NDST4: variants seen among roughly 807,000 people sequenced by gnomAD.
The protein encoded by NDST4 is N-heparan sulfate sulfotransferase 4.
Under a neutral mutation model 100.8 loss-of-function variants are expected in NDST4, and 63 were observed. The ratio of observed to expected loss-of-function variants is 0.62; its 90% CI spans 0.51 to 0.77. NDST4 has a LOEUF of 0.77. NDST4 is among the 30% of genes least tolerant of loss of function. The pLI, the probability that NDST4 is intolerant of heterozygous loss-of-function variation, is 0.00. For synonymous variants in NDST4, 377 were observed against 361.8 expected (o/e 1.04, Z -0.48); for missense variants, 943 against 1,018.4 (o/e 0.93, Z 1.01).
chr4:114,977,898 T>C (rs181433347), intron 2 of NDST4, among the ~76,000 whole-genome samples: 4 of 152,118 alleles, frequency 2.6e-5, no homozygotes, highest in Admixed American at 2.0e-4. Context: ...TTTCTAAATG[T>C]GACAAACATT....
At chr4:115,002,981 G>T (rs1727331031) in intron 2 of NDST4, among the ~76,000 whole-genome samples, 1 of 152,092 alleles carries the variant, frequency 6.6e-6, no homozygotes, top group Non-Finnish European at 1.5e-5. Flanking sequence ...CACAGGAACA[G>T]AAAACCAAAC....
intron 2 of NDST4, among the ~76,000 whole-genome samples, chr4:115,040,816 G>A (rs1034280081): frequency 6.6e-6 from 1 of 151,798 alleles, no homozygotes; most frequent in Non-Finnish European, 1.5e-5. Context: ...ATCAATAATA[G>A]AATACAACGT....
chr4:115,010,226 C>G lies in NDST4; in HGVS notation c.979-32952G>C, dbSNP rs1244525717. Among the ~76,000 whole-genome samples the G allele has an allele frequency of 8.0e-5, 10 of 125,636 alleles. 3 individuals carry two copies. The highest frequency in any genetic ancestry group is 3.1e-4 in the African/African-American group (10 of 32,616). The allele number at this position is 125,636 out of a possible 152,430, so 82.4% of individuals were successfully genotyped here. On this transcript the variant is annotated intron_variant, in intron 2 of 13. Transcript: ENST00000264363. ...ACTATAAATCATGCTGCTATAAAGA[C>G]ACATGCACACGTATGTTTATTGCGG...
intron 1 of NDST4, among the ~76,000 whole-genome samples, chr4:115,095,601 C>T (rs577797895): frequency 6.6e-6 from 1 of 152,240 alleles, no homozygotes; most frequent in South Asian, 2.1e-4. Flanking sequence ...CCTGCCTCTT[C>T]TCCTTAAAGC....
At chr4:115,073,356 C>T (rs899038329) in intron 2 of NDST4, among the ~76,000 whole-genome samples, 15 of 152,008 alleles carry the variant, frequency 9.9e-5, no homozygotes, top group African/African-American at 3.6e-4. Context: ...AAATCAATAT[C>T]TGCACTTCCT....
chr4:115,044,116 A>G (rs556843862), intron 2 of NDST4, among the ~76,000 whole-genome samples: 165 of 152,254 alleles, frequency 1.1e-3, no homozygotes, highest in African/African-American at 3.9e-3. Flanking sequence ...ATTTATTCAA[A>G]TCTTGGGCAG....
chr4:115,048,391 TAC>T (rs1728509784), intron 2 of NDST4, among the ~76,000 whole-genome samples: 1 of 152,180 alleles, frequency 6.6e-6, no homozygotes, highest in Non-Finnish European at 1.5e-5. Context: ...CATGAAAATA[TAC>T]ACTTATTGAA....
At chr4:114,866,344 C>T (rs1012549435) in intron 7 of NDST4, among the ~76,000 whole-genome samples, 1 of 152,188 alleles carries the variant, frequency 6.6e-6, no homozygotes, top group African/African-American at 2.4e-5. Context: ...CATTGACCAA[C>T]ATTTTTTTAA....
chr4:115,003,709 T>A (rs543492281), intron 2 of NDST4, among the ~76,000 whole-genome samples: 1 of 151,638 alleles, frequency 6.6e-6, no homozygotes, highest in African/African-American at 2.4e-5. Flanking sequence ...CTACTAAAAG[T>A]ATAAAAAAAT....
At chr4:114,828,126 T>G (rs1445697995) in intron 13 of NDST4, among the ~76,000 whole-genome samples, 191 bp from the exon 14 acceptor site, 1 of 152,228 alleles carries the variant, frequency 6.6e-6, no homozygotes, top group Non-Finnish European at 1.5e-5. Context: ...TAGCTAAAAA[T>G]AGAAATAGGA....
Position 115,001,617 on chromosome 4 carries a change from C to T in NDST4, c.979-24343G>A, listed in dbSNP as rs190765257. ...TAATTTTTACTATATAATAATTATA[C>T]GCTCCACTCTAATATAATATACTAT... On this transcript the variant is annotated intron_variant, in intron 2 of 13. Coordinates refer to ENST00000264363, the MANE Select transcript of NDST4 (RefSeq NM_022569.3). Among the ~76,000 whole-genome samples, 915 of 151,696 alleles carry T rather than the reference C, an allele frequency of 6.0e-3. 11 individuals carry two copies. Among genetic ancestry groups the T allele is most frequent in the Middle Eastern group, 0.017 (5 of 288 alleles).
chr4:115,012,801 G>C (rs1425246690), intron 2 of NDST4, among the ~76,000 whole-genome samples: 2 of 151,948 alleles, frequency 1.3e-5, no homozygotes, highest in African/African-American at 4.8e-5. Context: ...TTGTTCATCA[G>C]TAGACAAATG....
chr4:115,004,229 T>C (rs1212009431), intron 2 of NDST4, among the ~76,000 whole-genome samples: 2 of 152,126 alleles, frequency 1.3e-5, no homozygotes, highest in African/African-American at 2.4e-5. Flanking sequence ...TCATAACCAA[T>C]TAAAACCAAA....
chr4:114,891,591 T>A (rs182927948), intron 6 of NDST4, among the ~76,000 whole-genome samples: 3 of 152,236 alleles, frequency 2.0e-5, no homozygotes, highest in Admixed American at 2.0e-4. Flanking sequence ...ATTTCCATCA[T>A]TCTAATACAG....
Position 114,870,941 on chromosome 4 carries a change from A to G in NDST4, c.1546T>C (p.Phe516Leu). 1 of 1,599,224 alleles carries G rather than the reference A, an allele frequency of 6.3e-7. No individual in the cohort carries two copies. Among genetic ancestry groups the G allele is most frequent in the Non-Finnish European group, 8.5e-7 (1 of 1,174,294 alleles). The change falls in exon 7 of 14, where the codon TTC becomes CTC. Residue 516 changes from phenylalanine to leucine, a missense_variant. By Grantham distance (22) the Phe-to-Leu change is conservative. Transcript: ENST00000264363. ...LTILLNPISIFMTHLSNYGND... is the reference protein window; with the variant it reads ...LTILLNPISILMTHLSNYGND... Reference sequence around the variant, plus strand: ...CCATAGTTTGATAAATGGGTCATGAAAATGCTGATCTGAAAGATAAATAAA... The same window carrying G: ...CCATAGTTTGATAAATGGGTCATGAGAATGCTGATCTGAAAGATAAATAAA...
At chr4:115,087,568 T>C (rs142280986) in intron 1 of NDST4, among the ~76,000 whole-genome samples, 232 of 151,946 alleles carry the variant, frequency 1.5e-3, no homozygotes, top group African/African-American at 5.4e-3. Context: ...CTTATGCTAA[T>C]GGAGTTCATG....
intron 10 of NDST4, 89 bp downstream of exon 10, chr4:114,845,734 A>G: frequency 1.7e-6 from 2 of 1,189,472 alleles, no homozygotes; most frequent in Non-Finnish European, 2.3e-6. Context: ...TTGACTTTTC[A>G]TATGTTTAGG....
intron 6 of NDST4, among the ~76,000 whole-genome samples, chr4:114,933,456 T>TTTTTTTTTTTTTTTTTTTTTTTTTA (rs1337610741): frequency 7.5e-6 from 1 of 133,334 alleles, no homozygotes; most frequent in Admixed American, 7.6e-5. Flanking sequence ...TTTTTTTTTG[T>TTTTTTTTTTTTTTTTTTTTTTTTTA]GTGTAAAAAC....
intron 1 of NDST4, among the ~76,000 whole-genome samples, chr4:115,108,306 A>C (rs1729873620): frequency 6.6e-6 from 1 of 152,060 alleles, no homozygotes; most frequent in Non-Finnish European, 1.5e-5. Flanking sequence ...TACATCAAGA[A>C]GAAGAAGAAC....
Sources: gnomAD v4.1 joint callset for allele counts (sites outside exome capture counted in the v4.1 genomes callset) on GRCh38, gnomAD v4.1.1 for gene constraint, MANE v1.5 for transcripts, NCBI Gene and HGNC (gene_info 2026-07-23, HGNC 2026-07-21) for gene names.